The following DCTN4 variants were observed in gnomAD, a reference collection of about 807,000 sequenced individuals.
DCTN4 encodes the protein dynactin 4 (p62).
A neutral mutation model predicts 62.7 loss-of-function variants in DCTN4; 23 were observed. The observed-to-expected ratio is 0.37, with a 90% CI of 0.26 to 0.52. The LOEUF (loss-of-function observed/expected upper bound fraction) is 0.52, where lower values mean the gene tolerates loss of function less well. Ranked by LOEUF, DCTN4 falls within the 20% of genes least tolerant of loss-of-function variation. The pLI, the probability that DCTN4 is intolerant of heterozygous loss-of-function variation, is 0.92. For synonymous variants in DCTN4, 199 were observed against 202.1 expected, an observed-to-expected ratio of 0.98 and a Z score of 0.13; for missense variants, 514 against 580.4, an observed-to-expected ratio of 0.89 and a Z score of 1.18.
At chr5:150,711,708 TG>T (rs1334998898) in intron 12 of DCTN4, among the ~76,000 whole-genome samples, 1 of 152,032 alleles carries the variant, frequency 6.6e-6, no homozygotes, top group Non-Finnish European at 1.5e-5. Flanking sequence ...TTGGTGGAGA[TG>T]GGGTTTCGCC....
chr5:150,757,138 C>A (rs966700360), intron 1 of DCTN4, among the ~76,000 whole-genome samples: 3 of 152,078 alleles, frequency 2.0e-5, no homozygotes, highest in African/African-American at 7.2e-5. Flanking sequence ...ACTCTAGTCA[C>A]CTGCAAATGA....
chr5:150,737,884 A>T (rs1561701792), intron 4 of DCTN4, among the ~76,000 whole-genome samples: 1 of 152,200 alleles, frequency 6.6e-6, no homozygotes, highest in Non-Finnish European at 1.5e-5. Flanking sequence ...TTAACCAAGA[A>T]AAGATGAGAG....
intron 3 of DCTN4, among the ~76,000 whole-genome samples, chr5:150,750,105 G>A (rs1752621481): frequency 6.6e-6 from 1 of 152,138 alleles, no homozygotes; most frequent in South Asian, 2.1e-4. Context: ...TGGGGCATGA[G>A]GATTCTCTAG....
chr5:150,743,946 C>T (rs1760863449), intron 3 of DCTN4, among the ~76,000 whole-genome samples: 1 of 152,210 alleles, frequency 6.6e-6, no homozygotes, highest in South Asian at 2.1e-4. Context: ...TGGAGAATGA[C>T]TTTGACGAGT....
At position 150,759,010 on chromosome 5, in the gene DCTN4, G is replaced by T. The variant is rs759532125; in HGVS notation, c.-17C>A. On this transcript the variant is annotated 5_prime_UTR_variant, in exon 1 of 13. Transcript: ENST00000447998. Reference sequence around the variant, plus strand: ...GGACGCCATCTTGGGGAGGGAGGAGGCGATGACGCTCCCGGCGCATCACGT... The same window carrying T: ...GGACGCCATCTTGGGGAGGGAGGAGTCGATGACGCTCCCGGCGCATCACGT... 4 of 1,611,942 alleles carry T rather than the reference G, an allele frequency of 2.5e-6. No homozygotes were observed. The highest frequency in any genetic ancestry group is 1.3e-5 in the African/African-American group (1 of 74,866).
chr5:150,708,725 T>C lies in DCTN4; in HGVS notation c.*2424A>G, dbSNP rs1759459206. The C allele has an allele frequency of 6.5e-6, 1 of 152,826 alleles. No homozygotes were observed. The highest frequency in any genetic ancestry group is 1.5e-5 in the Non-Finnish European group (1 of 68,044). The allele number at this position is 152,826 out of a possible 1,614,324, so 9.5% of individuals were successfully genotyped here. On this transcript the variant is annotated 3_prime_UTR_variant, in exon 13 of 13. Coordinates refer to ENST00000447998, the MANE Select transcript of DCTN4 (RefSeq NM_016221.4). ...TGAGCCATGCTACTTAGTATCTACA[T>C]GAGAGCAAACAAAAGACACGCTCAA...
chr5:150,756,624 C>A, intron 1 of DCTN4, 137 bp from the exon 2 acceptor site: 1 of 388,952 alleles, frequency 2.6e-6, no homozygotes. Context: ...AGGGTTTATT[C>A]TTCTTCAGTC....
At chr5:150,751,423 A>C (rs1361716847) in intron 3 of DCTN4, among the ~76,000 whole-genome samples, 4 of 152,164 alleles carry the variant, frequency 2.6e-5, no homozygotes, top group Admixed American at 2.0e-4. Context: ...TAAAACACTC[A>C]CTAACAGAGT....
rs759540410 is a variant in DCTN4 at position 150,731,446 on chromosome 5, C to A, written c.581G>T (p.Gly194Val). 6.2e-7 allele frequency: 1 copy of A among 1,613,962 alleles called. No individual in the cohort carries two copies. Among genetic ancestry groups the A allele is most frequent in the Non-Finnish European group, 8.5e-7 (1 of 1,180,020 alleles). ...LGTRLQRPRA[G>V]ASISTLAGLS... ...TCCGGCAAGGGTACTGATGGATGCA[C>A]CAGCTCGTGGTCGCTGAAGCCTGGT... The change falls in exon 6 of 13, where the codon GGT (glycine) becomes GTT (valine). Residue 194 changes from glycine (G) to valine (V), a missense_variant. Coordinates refer to ENST00000447998, the MANE Select transcript of DCTN4 (RefSeq NM_016221.4).
intron 4 of DCTN4, among the ~76,000 whole-genome samples, chr5:150,735,795 C>T (rs1760557708): frequency 6.6e-6 from 1 of 151,776 alleles, no homozygotes; most frequent in African/African-American, 2.4e-5. Flanking sequence ...AGCAATGGAT[C>T]CAAACCAAGA....
intron 5 of DCTN4, chr5:150,731,781 G>C: frequency 9.3e-7 from 1 of 1,076,746 alleles, no homozygotes; most frequent in South Asian, 1.4e-5. Context: ...GCTCAGGCAA[G>C]AACTATGTGG....
At chr5:150,718,436 T>C in intron 10 of DCTN4, 53 bp from the exon 11 acceptor site, 2 of 1,332,106 alleles carry the variant, frequency 1.5e-6, no homozygotes, top group South Asian at 1.3e-5. Context: ...TTAGCTGCTA[T>C]ACCGAATATT....
At position 150,715,654 on chromosome 5, in the gene DCTN4, C is replaced by T. The variant is rs1323056257; in HGVS notation, c.1080G>A (p.Val360=). ...CAGCTAAAACGAGCTCTTTGGGAGG[C>T]ACCACCACCTGGAGAGCAACACAGA... The part of the protein sequence containing the change: ...DDINSTAKVV[V]PPKELVLAGK... The change falls in exon 12 of 13, where the codon GTG becomes GTA. Residue 360 remains valine, a synonymous_variant. Coordinates refer to ENST00000447998, the MANE Select transcript of DCTN4 (RefSeq NM_016221.4). 1 of 1,613,990 alleles carries T rather than the reference C, an allele frequency of 6.2e-7. No individual in the cohort carries two copies. Among genetic ancestry groups the T allele is most frequent in the South Asian group, 1.1e-5 (1 of 91,078 alleles).
intron 3 of DCTN4, among the ~76,000 whole-genome samples, chr5:150,750,432 T>A (rs758751687): frequency 5.9e-5 from 9 of 152,196 alleles, no homozygotes; most frequent in Non-Finnish European, 1.2e-4. Flanking sequence ...TGTACACAAC[T>A]TATGACTGGC....
At position 150,734,943 on chromosome 5, in the gene DCTN4, C is replaced by T. The variant is rs181070288; in HGVS notation, c.430-1468G>A. ...CCCCCTGGGAACATAACTCCATTGG[C>T]CTGAGAACCACACAACTGTCCTTCA... On this transcript the variant is annotated intron_variant, in intron 4 of 12. Coordinates refer to ENST00000447998, the MANE Select transcript of DCTN4 (RefSeq NM_016221.4). 2.5e-3 allele frequency among the ~76,000 whole-genome samples: 380 copies of T among 152,268 alleles called. 2 individuals are homozygous for T. Among genetic ancestry groups the T allele is most frequent in the African/African-American group, 8.8e-3 (367 of 41,550 alleles).
intron 3 of DCTN4, among the ~76,000 whole-genome samples, chr5:150,748,440 T>G: frequency 6.6e-6 from 1 of 152,164 alleles, no homozygotes; most frequent in African/African-American, 2.4e-5. Flanking sequence ...TTACTGGGTA[T>G]ATACCCAAAG....
chr5:150,742,118 T>C lies in DCTN4; in HGVS notation c.425A>G (p.Gln142Arg), dbSNP rs1760790724. Residue 142 changes from glutamine to arginine, a missense_variant, in exon 4 of 13, where the codon CAA (glutamine) becomes CGA (arginine). Transcript: ENST00000447998. The stretch of plus-strand genomic sequence containing the variant: ...CTCTTATGACCCTTTACTTACCCGT[T>C]GTGTGTGAGGATTTTCAGGTTCCTG... Reference protein sequence around the residue: ...GWQEPENPHTQRMNKLIEYYQ... With the variant: ...GWQEPENPHTRRMNKLIEYYQ... 6.2e-7 allele frequency: 1 copy of C among 1,613,876 alleles called. No individual in the cohort carries two copies. Among genetic ancestry groups the C allele is most frequent in the Admixed American group, 1.7e-5 (1 of 60,010 alleles).
rs73796428 is a variant in DCTN4 at position 150,727,068 on chromosome 5, G to A, written c.834+3563C>T. ...TGCAGGGGTTAGGGGCGGTGGGGAA[G>A]AACAAGGATAATGGCGGGGAGGATT... On this transcript the variant is annotated intron_variant, in intron 8 of 12. Transcript: ENST00000447998. 2.4e-3 allele frequency among the ~76,000 whole-genome samples: 362 copies of A among 152,250 alleles called. 3 individuals are homozygous for A. Among genetic ancestry groups the A allele is most frequent in the African/African-American group, 8.3e-3 (343 of 41,532 alleles).
At chr5:150,750,365 C>T (rs1370681394) in intron 3 of DCTN4, among the ~76,000 whole-genome samples, 2 of 152,174 alleles carry the variant, frequency 1.3e-5, no homozygotes, top group Non-Finnish European at 2.9e-5. Context: ...AGGTAGTTTA[C>T]TCTTACATAT....
Sources: allele counts gnomAD v4.1 joint callset (sites outside exome capture counted in the v4.1 genomes callset), GRCh38; gene constraint gnomAD v4.1.1; transcripts MANE v1.5; gene names NCBI Gene and HGNC (gene_info 2026-07-23, HGNC 2026-07-21).